Variants in PRKCE observed in about 807,000 individuals in gnomAD.
PRKCE encodes protein kinase C epsilon, also known as protein kinase C epsilon type.
A neutral mutation model predicts 85.4 loss-of-function variants in PRKCE; 16 were observed. That is an observed-to-expected ratio of 0.19 (90% CI 0.13 to 0.28). The LOEUF (loss-of-function observed/expected upper bound fraction) is 0.28, where lower values mean the gene tolerates loss of function less well. PRKCE is among the 10% of genes least tolerant of loss of function. PRKCE has a pLI of 1.00. For missense variants in PRKCE, 573 were observed against 975.2 expected (o/e 0.59, Z 5.49); for synonymous variants, 388 against 371.5 (o/e 1.04, Z -0.51).
At chr2:45,889,771 G>C (rs1695578024) in intron 2 of PRKCE, among the ~76,000 whole-genome samples, 1 of 152,172 alleles carries the variant, frequency 6.6e-6, no homozygotes. Context: ...TTCTGATTTA[G>C]TGAGCTTGAT....
chr2:45,653,370 G>GTTTTTTTTTTTT lies in PRKCE; in HGVS notation c.348+936_348+947dup, dbSNP rs34888247. Among the ~76,000 whole-genome samples the GTTTTTTTTTTTT allele has an allele frequency of 6.1e-3, 372 of 61,472 alleles. 30 individuals are homozygous for GTTTTTTTTTTTT. Among genetic ancestry groups the GTTTTTTTTTTTT allele is most frequent in the East Asian group, 0.025 (32 of 1,304 alleles). The allele number at this position is 61,472 out of a possible 152,430, so 40.3% of individuals were successfully genotyped here. A position where few individuals can be genotyped will look rare whatever the true frequency, so the allele number is the denominator to read the frequency against. ...TGCTTTTTGTGTTTGTTTTTGGGTT[G>GTTTTTTTTTTTT]TTTTTTTTTTTTTTTTTTTTTTTTT... On this transcript the variant is annotated intron_variant, in intron 1 of 14. Coordinates refer to ENST00000306156, the MANE Select transcript of PRKCE (RefSeq NM_005400.3).
Position 45,786,282 on chromosome 2 carries a change from C to A in PRKCE, c.349-56718C>A, listed in dbSNP as rs1686597924. 6.6e-6 allele frequency among the ~76,000 whole-genome samples: 1 copy of A among 152,140 alleles called. No homozygotes were observed. The highest frequency in any genetic ancestry group is 2.1e-4 in the South Asian group (1 of 4,820). Reference sequence around the variant, plus strand: ...CGTCTCTGTGTCTCCCTGGCCTGGCCACACAGTAGAATTCATCCCAAGTTT... The same window carrying A: ...CGTCTCTGTGTCTCCCTGGCCTGGCAACACAGTAGAATTCATCCCAAGTTT... On this transcript the variant is annotated intron_variant, in intron 1 of 14. Coordinates refer to ENST00000306156, the MANE Select transcript of PRKCE (RefSeq NM_005400.3). This position sits in a 1 kb window ranked among gnomAD's most constrained non-coding sequence, Gnocchi z 5.3.
intron 11 of PRKCE, among the ~76,000 whole-genome samples, chr2:46,109,567 A>G (rs1368035419): frequency 6.6e-6 from 1 of 152,164 alleles, no homozygotes; most frequent in African/African-American, 2.4e-5. Flanking sequence ...TTCTGCAACC[A>G]TTCTATTATG....
chr2:45,672,409 T>C (rs1193517649), intron 1 of PRKCE, among the ~76,000 whole-genome samples: 3 of 152,170 alleles, frequency 2.0e-5, no homozygotes, highest in Non-Finnish European at 2.9e-5. Context: ...TATGTATCCA[T>C]CCATCCATCT....
At chr2:45,983,860 C>G (rs796396451) in intron 5 of PRKCE, among the ~76,000 whole-genome samples, 3 of 152,234 alleles carry the variant, frequency 2.0e-5, no homozygotes, top group African/African-American at 4.8e-5. Flanking sequence ...GCACAGAATC[C>G]CGTGTCCACC....
intron 10 of PRKCE, among the ~76,000 whole-genome samples, chr2:46,031,868 G>A (rs113028832): frequency 3.3e-5 from 5 of 152,228 alleles, no homozygotes; most frequent in East Asian, 3.8e-4. Flanking sequence ...CCAACTGGTC[G>A]CAATTTGCAT....
rs866148370 is a variant in PRKCE, at chr2:45,976,545, C to T, written c.529C>T (p.Leu177Phe). ...CGGCCACAAGTTCATGGCCACCTAT[C>T]TTCGGCAGCCCACCTACTGCTCCCA... is the stretch of plus-strand genomic sequence containing the variant. Reference protein sequence around the residue: ...VNGHKFMATYLRQPTYCSHCR... With the variant: ...VNGHKFMATYFRQPTYCSHCR... The change falls in exon 3 of 15, where the codon CTT becomes TTT. Residue 177 changes from leucine (L) to phenylalanine (F), a missense_variant. Leu to Phe is a conservative substitution (Grantham distance 22). Transcript: ENST00000306156. 6.3e-7 allele frequency: 1 copy of T among 1,599,786 alleles called. No individual in the cohort carries two copies. Among genetic ancestry groups the T allele is most frequent in the Non-Finnish European group, 8.5e-7 (1 of 1,179,968 alleles).
At chr2:46,016,383 A>T (rs545237534) in intron 10 of PRKCE, among the ~76,000 whole-genome samples, 2 of 152,078 alleles carry the variant, frequency 1.3e-5, no homozygotes, top group Non-Finnish European at 2.9e-5. Flanking sequence ...AAAGATCGTC[A>T]CTGGTTTCCA....
intron 7 of PRKCE, among the ~76,000 whole-genome samples, chr2:46,003,294 A>G (rs1704863158): frequency 6.6e-6 from 1 of 152,262 alleles, no homozygotes; most frequent in African/African-American, 2.4e-5. Context: ...GTGTGTGCAC[A>G]GCAGGTAGAC....
intron 1 of PRKCE, among the ~76,000 whole-genome samples, chr2:45,682,386 G>A (rs471865): frequency 0.8 from 121,954 of 152,112 alleles, 49,185 homozygotes; most frequent in African/African-American, 0.9. Flanking sequence ...TAAGGGGGTA[G>A]TTTGGTTCCC....
chr2:45,984,063 G>T (rs991986472), intron 5 of PRKCE, among the ~76,000 whole-genome samples: 1 of 150,908 alleles, frequency 6.6e-6, no homozygotes, highest in Non-Finnish European at 1.5e-5. Context: ...TCAGCCTTCC[G>T]AGTAGCTGGG....
intron 1 of PRKCE, among the ~76,000 whole-genome samples, chr2:45,805,585 A>C (rs1688178284): frequency 6.8e-6 from 1 of 147,058 alleles, no homozygotes; most frequent in Non-Finnish European, 1.5e-5. Flanking sequence ...ATTTGCATAC[A>C]TTACCTTCCT....
chr2:46,027,299 G>A (rs1009990518), intron 10 of PRKCE, among the ~76,000 whole-genome samples: 5 of 152,056 alleles, frequency 3.3e-5, no homozygotes, highest in Admixed American at 6.6e-5. Context: ...TGTACCACTT[G>A]TACTTCATCC....
At chr2:45,752,417 A>G (rs905737397) in intron 1 of PRKCE, among the ~76,000 whole-genome samples, 1 of 152,036 alleles carries the variant, frequency 6.6e-6, no homozygotes, top group African/African-American at 2.4e-5. Flanking sequence ...TCCCTCCTAC[A>G]TCTACTGAGA....
intron 1 of PRKCE, among the ~76,000 whole-genome samples, chr2:45,692,651 G>A (rs1677824866): frequency 6.6e-6 from 1 of 152,030 alleles, no homozygotes; most frequent in Non-Finnish European, 1.5e-5. Flanking sequence ...TGATGGAAAA[G>A]ATGATGGAAT....
At chr2:45,820,960 GA>G (rs1689482775) in intron 1 of PRKCE, among the ~76,000 whole-genome samples, 1 of 151,644 alleles carries the variant, frequency 6.6e-6, no homozygotes, top group South Asian at 2.1e-4. Context: ...CTCACATCCA[GA>G]AAACTTGTTT....
At chr2:45,740,534 A>G (rs1473795630) in intron 1 of PRKCE, among the ~76,000 whole-genome samples, 1 of 151,858 alleles carries the variant, frequency 6.6e-6, no homozygotes, top group Non-Finnish European at 1.5e-5. Context: ...CCCCACTTGG[A>G]CGCACCCTTC....
chr2:45,781,525 A>G (rs1289015140), intron 1 of PRKCE, among the ~76,000 whole-genome samples: 1 of 152,164 alleles, frequency 6.6e-6, no homozygotes. Context: ...TTGCAGTTGC[A>G]AGTGTCAGAG....
At chr2:45,865,277 A>G (rs1390514028) in intron 2 of PRKCE, among the ~76,000 whole-genome samples, 2 of 152,186 alleles carry the variant, frequency 1.3e-5, no homozygotes, top group Non-Finnish European at 2.9e-5. Context: ...TTTTAATCAC[A>G]TGAGGAACTT....
Sources: gnomAD v4.1 joint callset for allele counts (sites outside exome capture counted in the v4.1 genomes callset) on GRCh38, gnomAD v4.1.1 for gene constraint, Gnocchi (gnomAD v3.1) non-coding constraint, MANE v1.5 for transcripts, NCBI Gene and HGNC (gene_info 2026-07-23, HGNC 2026-07-21) for gene names.